Variants in UNC5D observed in about 807,000 individuals in gnomAD.
UNC5D encodes netrin receptor UNC5D.
Under a neutral mutation model 105.4 loss-of-function variants are expected in UNC5D, and 39 were observed. The ratio of observed to expected loss-of-function variants is 0.37; its 90% CI spans 0.29 to 0.48. The LOEUF (loss-of-function observed/expected upper bound fraction) is 0.48, where lower values mean the gene tolerates loss of function less well. Ranked by LOEUF, UNC5D falls within the 20% of genes least tolerant of loss-of-function variation. UNC5D has a pLI of 0.98. For missense variants in UNC5D, 991 were observed against 1,202.4 expected (o/e 0.82, Z 2.60); for synonymous variants, 452 against 450.4 (o/e 1.00, Z -0.04).
chr8:35,662,989 A>G (rs192095115), intron 4 of UNC5D, among the ~76,000 whole-genome samples: 4 of 152,318 alleles, frequency 2.6e-5, no homozygotes, highest in East Asian at 1.9e-4. Flanking sequence ...AGTCCCATCT[A>G]TCTAATGCCT....
intron 1 of UNC5D, among the ~76,000 whole-genome samples, chr8:35,381,095 C>A (rs560580272): frequency 2.4e-4 from 36 of 152,024 alleles, no homozygotes; most frequent in African/African-American, 7.5e-4. Context: ...GAAAAATATT[C>A]TTCCAGGAAG....
intron 4 of UNC5D, among the ~76,000 whole-genome samples, chr8:35,618,831 A>G (rs887578091): frequency 2.6e-5 from 4 of 152,136 alleles, no homozygotes; most frequent in Non-Finnish European, 5.9e-5. Context: ...CGTGCCATGA[A>G]GTTGCTGAGT....
rs746383371 is a variant in UNC5D at position 35,726,564 on chromosome 8, C to T, written c.1681+35C>T. On this transcript the variant is annotated intron_variant, in intron 10 of 16. Coordinates refer to ENST00000404895, the MANE Select transcript of UNC5D (RefSeq NM_080872.4). Reference sequence around the variant, plus strand: ...AAGTGTGTGTTTGTGTATTTTCCATCATTTAAATGTTTCATTTTTACACAG... The same window carrying T: ...AAGTGTGTGTTTGTGTATTTTCCATTATTTAAATGTTTCATTTTTACACAG... The T allele has an allele frequency of 1.9e-6, 3 of 1,592,710 alleles. No individual in the cohort carries two copies. The East Asian group carries it at 6.7e-5, about 36-fold the overall frequency.
intron 13 of UNC5D, among the ~76,000 whole-genome samples, chr8:35,755,474 G>GTGTA (rs1204517032): frequency 6.7e-6 from 1 of 148,316 alleles, no homozygotes; most frequent in African/African-American, 2.6e-5. Flanking sequence ...CATAATTTGT[G>GTGTA]TGTATGTGTG....
intron 4 of UNC5D, among the ~76,000 whole-genome samples, chr8:35,658,775 C>A (rs913872167): frequency 6.6e-6 from 1 of 151,586 alleles, no homozygotes; most frequent in African/African-American, 2.4e-5. Flanking sequence ...CCTCAGCCTC[C>A]GGAGTAGCTG....
chr8:35,501,431 G>A (rs1443778971), intron 1 of UNC5D, among the ~76,000 whole-genome samples: 3 of 152,174 alleles, frequency 2.0e-5, no homozygotes, highest in Admixed American at 6.5e-5. Flanking sequence ...ATCACTATGG[G>A]CAGAGCCCCT....
intron 1 of UNC5D, among the ~76,000 whole-genome samples, chr8:35,334,801 A>G (rs1294526982): frequency 3.3e-5 from 5 of 152,176 alleles, no homozygotes; most frequent in Non-Finnish European, 7.3e-5. Flanking sequence ...GGCATGAGCC[A>G]CCACACCTGG....
At chr8:35,386,367 A>G (rs577792105) in intron 1 of UNC5D, among the ~76,000 whole-genome samples, 4 of 152,218 alleles carry the variant, frequency 2.6e-5, no homozygotes, top group Non-Finnish European at 5.9e-5. Context: ...AAATAGGAAA[A>G]TCACTCAGCC....
intron 1 of UNC5D, among the ~76,000 whole-genome samples, chr8:35,318,700 A>G (rs908675889): frequency 2.0e-5 from 3 of 152,092 alleles, no homozygotes; most frequent in African/African-American, 7.2e-5. Flanking sequence ...GTAACTTCCC[A>G]TTATATTACA....
chr8:35,376,308 G>A (rs2128928714), intron 1 of UNC5D, among the ~76,000 whole-genome samples: 1 of 152,284 alleles, frequency 6.6e-6, no homozygotes, highest in Middle Eastern at 3.4e-3. Flanking sequence ...TTACCTAAAA[G>A]AAGAGATTAT....
chr8:35,337,314 A>G (rs1041600088), intron 1 of UNC5D, among the ~76,000 whole-genome samples: 4 of 152,198 alleles, frequency 2.6e-5, no homozygotes, highest in African/African-American at 9.7e-5. Flanking sequence ...TCAATTAAAA[A>G]TTGGTTATTT....
rs979011873 is a variant in UNC5D, at chr8:35,689,704, G to C, written c.1084+2995G>C. On this transcript the variant is annotated intron_variant, in intron 7 of 16. Transcript: ENST00000404895. ...GAGCATTCTCTCTTACTCAGGGGAGGGTCAATCTTTTGTTCTATTTAGGTC... is the reference window on the plus strand; with the variant it reads ...GAGCATTCTCTCTTACTCAGGGGAGCGTCAATCTTTTGTTCTATTTAGGTC... 2.6e-5 allele frequency among the ~76,000 whole-genome samples: 4 copies of C among 152,134 alleles called. 1 individual carries two copies. Among genetic ancestry groups the C allele is most frequent in the Non-Finnish European group, 5.9e-5 (4 of 68,016 alleles).
chr8:35,723,998 A>G (rs906305203), intron 9 of UNC5D, among the ~76,000 whole-genome samples: 1 of 151,950 alleles, frequency 6.6e-6, no homozygotes, highest in African/African-American at 2.4e-5. Flanking sequence ...AGCCCTTGGC[A>G]TATGGAAAGC....
At chr8:35,535,585 A>C (rs1306461592) in intron 1 of UNC5D, among the ~76,000 whole-genome samples, 1 of 152,030 alleles carries the variant, frequency 6.6e-6, no homozygotes, top group African/African-American at 2.4e-5. Context: ...AAGAGCATCC[A>C]GGTCTCTAGA....
In UNC5D at chr8:35,792,702, T is replaced by G. The variant is rs527269873; in HGVS notation, c.*2139T>G. On this transcript the variant is annotated 3_prime_UTR_variant, in exon 17 of 17. Transcript: ENST00000404895. ...GAGTAAAAACTTGTAGAAAGCACAT[T>G]ATAGAGCTTATGTTGGAATCCATCT... 11 of 242,712 alleles carry G rather than the reference T, an allele frequency of 4.5e-5. No homozygotes were observed. In the South Asian group the frequency reaches 4.7e-4, roughly 10 times the overall value. The allele number at this position is 242,712 out of a possible 1,614,324, so 15.0% of individuals were successfully genotyped here.
At chr8:35,731,252 T>TTAGCCAGG (rs1377990882) in intron 11 of UNC5D, among the ~76,000 whole-genome samples, 156 bp downstream of exon 11, 3 of 151,588 alleles carry the variant, frequency 2.0e-5, no homozygotes, top group Non-Finnish European at 4.4e-5. Flanking sequence ...TACAAAAAAA[T>TTAGCCAGG]TAGCCAGGCA....
chr8:35,655,764 C>T (rs1439929211), intron 4 of UNC5D, among the ~76,000 whole-genome samples: 1 of 152,064 alleles, frequency 6.6e-6, no homozygotes, highest in Non-Finnish European at 1.5e-5. Flanking sequence ...AAGGGCAGTC[C>T]TTTCAGACAG....
intron 1 of UNC5D, among the ~76,000 whole-genome samples, chr8:35,337,309 TA>T (rs1236196677): frequency 6.6e-6 from 1 of 152,232 alleles, no homozygotes; most frequent in African/African-American, 2.4e-5. Flanking sequence ...TCTTTTCAAT[TA>T]AAAATTGGTT....
intron 2 of UNC5D, among the ~76,000 whole-genome samples, chr8:35,562,291 C>T (rs546073355): frequency 4.6e-5 from 7 of 151,970 alleles, no homozygotes; most frequent in Non-Finnish European, 8.8e-5. Context: ...GGATGATTCA[C>T]GGGGTCGCAG....
Sources: gnomAD v4.1 joint callset for allele counts (sites outside exome capture counted in the v4.1 genomes callset) on GRCh38, gnomAD v4.1.1 for gene constraint, MANE v1.5 for transcripts, NCBI Gene and HGNC (gene_info 2026-07-23, HGNC 2026-07-21) for gene names.